The following BIRC5 variants were observed in gnomAD, a reference collection of about 807,000 sequenced individuals.
BIRC5 encodes baculoviral IAP repeat containing 5.
In BIRC5, 8 loss-of-function variants were observed where a neutral mutation model predicts 15.8. That is an observed-to-expected ratio of 0.51 (90% confidence interval 0.30 to 0.91). The LOEUF is 0.91. Ranked by LOEUF, BIRC5 falls within the 40% of genes least tolerant of loss-of-function variation. BIRC5 has a pLI of 0.07. For synonymous variants in BIRC5, 56 were observed against 64.5 expected, an observed-to-expected ratio of 0.87 and a Z score of 0.63; for missense variants, 163 against 178.6, an observed-to-expected ratio of 0.91 and a Z score of 0.50.
At chr17:78,218,395 G>A (rs768202205) in intron 3 of BIRC5, among the ~76,000 whole-genome samples, 5 of 150,962 alleles carry the variant, frequency 3.3e-5, no homozygotes, top group Non-Finnish European at 5.9e-5. Flanking sequence ...CCGGGGTCAA[G>A]CGATTCTCCT....
chr17:78,217,085 G>C (rs893228081), intron 3 of BIRC5, among the ~76,000 whole-genome samples: 2 of 151,658 alleles, frequency 1.3e-5, no homozygotes, highest in Non-Finnish European at 2.9e-5. Context: ...TCACCACATT[G>C]CCCAGGCTGG....
chr17:78,219,445 A>G (rs964725516), intron 3 of BIRC5, among the ~76,000 whole-genome samples: 4 of 152,144 alleles, frequency 2.6e-5, no homozygotes, highest in Non-Finnish European at 5.9e-5. Flanking sequence ...TTGGCATCCC[A>G]AAGTGCTGGG....
chr17:78,220,894 G>T (rs1474197534), intron 3 of BIRC5, among the ~76,000 whole-genome samples: 1 of 152,076 alleles, frequency 6.6e-6, no homozygotes, highest in East Asian at 1.9e-4. Context: ...AAATCCTGAA[G>T]ACAAGGATGC....
Position 78,216,718 on chromosome 17 carries a change from G to C in BIRC5, c.276G>C (p.Gln92His). The change falls in exon 3 of 4, where the codon CAG becomes CAC. Residue 92 changes from glutamine to histidine, a missense_variant. By Grantham distance (24) the Gln-to-His change is conservative. Coordinates refer to ENST00000350051, the MANE Select transcript of BIRC5 (RefSeq NM_001168.3). The part of the protein sequence containing the change: ...SGCAFLSVKK[Q>H]FEELTLGEFL... ...GCGCTTTCCTTTCTGTCAAGAAGCA[G>C]TTTGAAGAATTAACCCTTGGTGAAT... 1 of 1,614,026 alleles carries C rather than the reference G, an allele frequency of 6.2e-7. No individual in the cohort carries two copies. Among genetic ancestry groups the C allele is most frequent in the Non-Finnish European group, 8.5e-7 (1 of 1,179,956 alleles).
chr17:78,223,477 A>G lies in BIRC5; in HGVS notation c.352A>G (p.Asn118Asp). The change falls in exon 4 of 4, where the codon AAC becomes GAC. Residue 118 changes from asparagine to aspartate, a missense_variant. Physicochemically the swap from Asn to Asp is conservative, Grantham distance 23. Coordinates refer to ENST00000350051, the MANE Select transcript of BIRC5 (RefSeq NM_001168.3). ...RAKNKIAKETNNKKKEFEETA... is the reference protein window; with the variant it reads ...RAKNKIAKETDNKKKEFEETA... ...TCTTTATTTCCAGGCAAAGGAAACC[A>G]ACAATAAGAAGAAAGAATTTGAGGA... 7 of 1,599,336 alleles carry G rather than the reference A, an allele frequency of 4.4e-6. No individual in the cohort carries two copies. Among genetic ancestry groups the G allele is most frequent in the Non-Finnish European group, 6.0e-6 (7 of 1,172,184 alleles).
chr17:78,221,809 TG>T (rs1379502943), intron 3 of BIRC5, among the ~76,000 whole-genome samples: 13 of 152,324 alleles, frequency 8.5e-5, no homozygotes, highest in African/African-American at 3.1e-4. Context: ...ATAATCCATG[TG>T]TGTATATATA....
chr17:78,216,761 GAA>G lies in BIRC5; in HGVS notation c.321_322del (p.Arg108SerfsTer12). 6.2e-7 allele frequency: 1 copy of G among 1,613,664 alleles called. No homozygotes were observed. Among genetic ancestry groups the G allele is most frequent in the Non-Finnish European group, 8.5e-7 (1 of 1,179,814 alleles). ...TGGTGAATTTTTGAAACTGGACAGA[GAA>G]AGAGCCAAGAACAAAATTGTATGTA... ...TLGEFLKLDR[E>X]RAKNKIAKET... On this transcript the variant is annotated frameshift_variant, in exon 3 of 4. Coordinates refer to ENST00000350051, the MANE Select transcript of BIRC5 (RefSeq NM_001168.3). LOFTEE classifies it high-confidence loss of function.
intron 3 of BIRC5, among the ~76,000 whole-genome samples, chr17:78,217,107 T>A (rs977482636): frequency 6.6e-6 from 1 of 151,914 alleles, no homozygotes; most frequent in African/African-American, 2.4e-5. Flanking sequence ...CTTGAACTCC[T>A]GACCTCGTGA....
chr17:78,223,480 A>G lies in BIRC5; in HGVS notation c.355A>G (p.Asn119Asp). The change falls in exon 4 of 4, where the codon AAT becomes GAT. Residue 119 changes from asparagine to aspartate, a missense_variant. Asn to Asp is a conservative substitution (Grantham distance 23). Coordinates refer to ENST00000350051, the MANE Select transcript of BIRC5 (RefSeq NM_001168.3). Reference sequence around the variant, plus strand: ...TTATTTCCAGGCAAAGGAAACCAACAATAAGAAGAAAGAATTTGAGGAAAC... The same window carrying G: ...TTATTTCCAGGCAAAGGAAACCAACGATAAGAAGAAAGAATTTGAGGAAAC... ...AKNKIAKETN[N>D]KKKEFEETAE... The G allele has an allele frequency of 1.2e-6, 2 of 1,600,808 alleles. No homozygotes were observed. The highest frequency in any genetic ancestry group is 1.7e-6 in the Non-Finnish European group (2 of 1,173,186).
intron 3 of BIRC5, among the ~76,000 whole-genome samples, chr17:78,218,911 C>T (rs190196377): frequency 6.6e-6 from 1 of 151,998 alleles, no homozygotes; most frequent in East Asian, 1.9e-4. Flanking sequence ...CAGGCCTGGG[C>T]GTCATATATT....
At chr17:78,216,374 T>A in intron 2 of BIRC5, 1 of 318,890 alleles carries the variant, frequency 3.1e-6, no homozygotes, top group Non-Finnish European at 6.0e-6. Flanking sequence ...TTTGGACATA[T>A]ACCATGTAAC....
chr17:78,214,987 A>G, intron 2 of BIRC5, 198 bp downstream of exon 2: 1 of 551,306 alleles, frequency 1.8e-6, no homozygotes, highest in Non-Finnish European at 3.3e-6. Flanking sequence ...TTTGACCAAA[A>G]TGCCTTGGGG....
intron 3 of BIRC5, among the ~76,000 whole-genome samples, chr17:78,221,076 CT>C (rs374652586): frequency 2.4e-4 from 36 of 152,314 alleles, no homozygotes; most frequent in African/African-American, 7.5e-4. Context: ...CGGTGCTTAG[CT>C]TTTGAAACAA....
At chr17:78,218,356 C>T (rs1292920289) in intron 3 of BIRC5, among the ~76,000 whole-genome samples, 1 of 151,158 alleles carries the variant, frequency 6.6e-6, no homozygotes, top group Non-Finnish European at 1.5e-5. Flanking sequence ...TGCAGTGGCA[C>T]GATCTCGGCT....
At chr17:78,222,215 AC>A (rs1244743629) in intron 3 of BIRC5, among the ~76,000 whole-genome samples, 1 of 150,418 alleles carries the variant, frequency 6.6e-6, no homozygotes. Flanking sequence ...AAAAAAAAAA[AC>A]CAAACGGTGC....
At position 78,223,663 on chromosome 17, in the gene BIRC5, G is replaced by T; in HGVS notation, c.*109G>T. 1 of 1,541,754 alleles carries T rather than the reference G, an allele frequency of 6.5e-7. No individual in the cohort carries two copies. The highest frequency in any genetic ancestry group is 1.2e-5 in the South Asian group (1 of 81,002). On this transcript the variant is annotated 3_prime_UTR_variant, in exon 4 of 4. Coordinates refer to ENST00000350051, the MANE Select transcript of BIRC5 (RefSeq NM_001168.3). The stretch of plus-strand genomic sequence containing the variant: ...GCCCCTTAGCAATGTCTTAGGAAAG[G>T]AGATCAACATTTTCAAATTAGATGT...
chr17:78,215,439 A>G (rs2076471212), intron 2 of BIRC5, among the ~76,000 whole-genome samples: 1 of 152,184 alleles, frequency 6.6e-6, no homozygotes, highest in African/African-American at 2.4e-5. Flanking sequence ...TTGAAAAAAA[A>G]AAAAGAAAGA....
chr17:78,214,633 G>T (rs1395548107), intron 1 of BIRC5, 47 bp from the exon 2 acceptor site: 8 of 1,517,598 alleles, frequency 5.3e-6, no homozygotes, highest in East Asian at 2.5e-5. Flanking sequence ...TGGGCCTCGG[G>T]GTTCCGGGCT....
In BIRC5 at chr17:78,222,993, G is replaced by A. The variant is rs935943512; in HGVS notation, c.340-472G>A. ...TTCCTCCAGGAGTTTCAGGAGAAAG[G>A]TAGGGCAGTGGTTAAGAGCAGAGCT... On this transcript the variant is annotated intron_variant, in intron 3 of 3. Transcript: ENST00000350051. 1.4e-4 allele frequency: 204 copies of A among 1,482,972 alleles called. 2 individuals are homozygous for A. The South Asian group carries it at 1.8e-3, about 13-fold the overall frequency. 91.9% of individuals were successfully genotyped at this position (1,482,972 alleles called of 1,614,324 possible).
Sources: allele counts gnomAD v4.1 joint callset (sites outside exome capture counted in the v4.1 genomes callset), GRCh38; gene constraint gnomAD v4.1.1; transcripts MANE v1.5; gene names NCBI Gene and HGNC (gene_info 2026-07-23, HGNC 2026-07-21).